LDLRAD3: variants seen among roughly 807,000 people sequenced by gnomAD.
The protein encoded by LDLRAD3 is low density lipoprotein receptor class A domain containing 3, also known as low-density lipoprotein receptor class A domain-containing protein 3.
Under a neutral mutation model 29.4 loss-of-function variants are expected in LDLRAD3, and 20 were observed. The ratio of observed to expected loss-of-function variants is 0.68; its 90% confidence interval spans 0.48 to 0.99. The LOEUF (loss-of-function observed/expected upper bound fraction) is 0.99. LDLRAD3 is among the 50% of genes least tolerant of loss of function. The probability of loss-of-function intolerance (pLI) is 0.00; values close to 1 mark genes in which losing one functional copy is unlikely to be tolerated. For missense variants in LDLRAD3, 420 were observed against 454.3 expected (o/e 0.92, Z 0.69); for synonymous variants, 157 against 192.7 (o/e 0.81, Z 1.53).
intron 4 of LDLRAD3, among the ~76,000 whole-genome samples, chr11:36,148,634 G>A (rs563301072): frequency 3.9e-5 from 6 of 152,278 alleles, no homozygotes; most frequent in Middle Eastern, 3.4e-3. Context: ...AGATAGGGCC[G>A]TCTTGGGGTT....
At chr11:36,162,906 G>T (rs565155378) in intron 4 of LDLRAD3, among the ~76,000 whole-genome samples, 1 of 152,174 alleles carries the variant, frequency 6.6e-6, no homozygotes, top group Non-Finnish European at 1.5e-5. Flanking sequence ...CAGGGTTGTC[G>T]TTATATCTGG....
chr11:36,223,709 C>A (rs1035864054), intron 4 of LDLRAD3, among the ~76,000 whole-genome samples: 5 of 151,186 alleles, frequency 3.3e-5, no homozygotes, highest in Admixed American at 6.6e-5. Flanking sequence ...CAGAGTGATA[C>A]CTTGTCTCAA....
intron 4 of LDLRAD3, among the ~76,000 whole-genome samples, chr11:36,128,108 T>C (rs1320382061): frequency 1.3e-5 from 1 of 74,614 alleles, no homozygotes; most frequent in African/African-American, 4.4e-5. Context: ...GATGGCAGAG[T>C]TGTTTTTACA....
intron 1 of LDLRAD3, among the ~76,000 whole-genome samples, chr11:35,974,153 T>C (rs1353528192): frequency 6.6e-6 from 1 of 152,254 alleles, no homozygotes; most frequent in Admixed American, 6.5e-5. Flanking sequence ...TTTTCTTTCA[T>C]AGTTTTTGGA....
intron 4 of LDLRAD3, among the ~76,000 whole-genome samples, chr11:36,170,408 A>T (rs1261381468): frequency 6.6e-6 from 1 of 151,696 alleles, no homozygotes; most frequent in African/African-American, 2.4e-5. Context: ...TTGTTGATTT[A>T]TGGGCATTTG....
At chr11:36,145,259 G>T (rs1289961477) in intron 4 of LDLRAD3, among the ~76,000 whole-genome samples, 5 of 102,724 alleles carry the variant, frequency 4.9e-5, no homozygotes, top group Admixed American at 3.3e-4. Flanking sequence ...AAGTGGGGGG[G>T]GGTCAGCCCC....
chr11:35,998,518 A>T (rs1851783021), intron 1 of LDLRAD3, among the ~76,000 whole-genome samples: 1 of 152,148 alleles, frequency 6.6e-6, no homozygotes, highest in Non-Finnish European at 1.5e-5. Context: ...GCTGATCTAA[A>T]CAAACAAACA....
intron 1 of LDLRAD3, among the ~76,000 whole-genome samples, chr11:36,035,716 A>G (rs181665673): frequency 1.5e-3 from 232 of 152,302 alleles, no homozygotes; most frequent in Non-Finnish European, 2.9e-3. Flanking sequence ...AAGATCTTGC[A>G]GTTCCTAATG....
intron 2 of LDLRAD3, among the ~76,000 whole-genome samples, chr11:36,036,938 G>A (rs933552338): frequency 1.3e-5 from 2 of 152,118 alleles, no homozygotes; most frequent in Non-Finnish European, 2.9e-5. Flanking sequence ...GATCATCTAC[G>A]AGAAAAGAGG....
At chr11:36,206,268 C>T (rs577383288) in intron 4 of LDLRAD3, among the ~76,000 whole-genome samples, 1 of 152,262 alleles carries the variant, frequency 6.6e-6, no homozygotes, top group East Asian at 1.9e-4. Context: ...CTTATTACTA[C>T]ATATTAGCTT....
At chr11:36,135,517 C>T (rs1431768887) in intron 4 of LDLRAD3, among the ~76,000 whole-genome samples, 1 of 152,172 alleles carries the variant, frequency 6.6e-6, no homozygotes, top group East Asian at 1.9e-4. Flanking sequence ...CTACCCATCT[C>T]CCAAAACAGT....
intron 3 of LDLRAD3, among the ~76,000 whole-genome samples, chr11:36,084,254 AT>A: frequency 6.6e-6 from 1 of 152,330 alleles, no homozygotes; most frequent in Non-Finnish European, 1.5e-5. Flanking sequence ...TGAGTAAATT[AT>A]ACCCATTCCA....
At chr11:35,952,721 T>C (rs1326628923) in intron 1 of LDLRAD3, among the ~76,000 whole-genome samples, 2 of 152,112 alleles carry the variant, frequency 1.3e-5, no homozygotes, top group Non-Finnish European at 2.9e-5. Flanking sequence ...GGCCCACTGT[T>C]CAAAAAGTCT....
At chr11:35,997,776 T>C (rs545115474) in intron 1 of LDLRAD3, 2 of 162,932 alleles carry the variant, frequency 1.2e-5, no homozygotes, top group South Asian at 3.6e-4. Flanking sequence ...GTGGAGACTA[T>C]TCTTATTCCT....
chr11:36,156,812 C>T (rs1200063817), intron 4 of LDLRAD3, among the ~76,000 whole-genome samples: 1 of 151,966 alleles, frequency 6.6e-6, no homozygotes, highest in African/African-American at 2.4e-5. Flanking sequence ...TTTCAGAAGG[C>T]AACATAAATC....
rs1171315371 is a variant in LDLRAD3 at position 36,015,313 on chromosome 11, C to A, written c.47-20790C>A. On this transcript the variant is annotated intron_variant, in intron 1 of 5. Coordinates refer to ENST00000315571, the MANE Select transcript of LDLRAD3 (RefSeq NM_174902.4). ...AAATCCGGGACATGCCATTCCCCCC[C>A]CCCGCCCCCTGCCCCCATTGCCTGT... Among the ~76,000 whole-genome samples, 3 of 146,524 alleles carry A rather than the reference C, an allele frequency of 2.0e-5. No individual in the cohort carries two copies. In the East Asian group the frequency reaches 6.1e-4, roughly 30 times the overall value.
intron 4 of LDLRAD3, among the ~76,000 whole-genome samples, chr11:36,105,225 G>A (rs1278722356): frequency 1.4e-5 from 2 of 148,064 alleles, no homozygotes; most frequent in East Asian, 2.0e-4. Context: ...GTGTGTGTGT[G>A]TGTGTGTGTG....
At chr11:35,973,070 A>AG (rs1565134369) in intron 1 of LDLRAD3, among the ~76,000 whole-genome samples, 1 of 151,114 alleles carries the variant, frequency 6.6e-6, no homozygotes, top group African/African-American at 2.4e-5. Context: ...AAAAAAAAAA[A>AG]AAAGGGAGCA....
intron 1 of LDLRAD3, among the ~76,000 whole-genome samples, chr11:35,987,006 G>T (rs1047506982): frequency 2.6e-5 from 4 of 152,184 alleles, no homozygotes; most frequent in South Asian, 4.1e-4. Flanking sequence ...CTCAGCAAAG[G>T]TTAGTTGAGT....
Sources: allele counts gnomAD v4.1 joint callset (sites outside exome capture counted in the v4.1 genomes callset), GRCh38; gene constraint gnomAD v4.1.1; transcripts MANE v1.5; gene names NCBI Gene and HGNC (gene_info 2026-07-23, HGNC 2026-07-21).